AK5: variants seen among roughly 807,000 people sequenced by gnomAD.
AK5 encodes adenylate kinase isoenzyme 5.
A neutral mutation model predicts 69.5 loss-of-function variants in AK5; 27 were observed. The observed-to-expected ratio is 0.39, with a 90% confidence interval of 0.29 to 0.54. The LOEUF is 0.54. AK5 is among the 20% of genes least tolerant of loss of function. The probability of loss-of-function intolerance (pLI) is 0.71; values close to 1 mark genes in which losing one functional copy is unlikely to be tolerated. For synonymous variants in AK5, 260 were observed against 244.4 expected (o/e 1.06, Z -0.60); for missense variants, 531 against 700.4 (o/e 0.76, Z 2.73).
chr1:77,380,819 G>A (rs1647578002), intron 6 of AK5, among the ~76,000 whole-genome samples: 1 of 152,150 alleles, frequency 6.6e-6, no homozygotes, highest in Non-Finnish European at 1.5e-5. Flanking sequence ...GTCATGAAGG[G>A]AAGATAGGAA....
At chr1:77,424,359 C>G (rs1651048945) in intron 8 of AK5, among the ~76,000 whole-genome samples, 1 of 152,128 alleles carries the variant, frequency 6.6e-6, no homozygotes, top group African/African-American at 2.4e-5. Context: ...CTCCTCAGCT[C>G]AAGCAATCCT....
intron 6 of AK5, among the ~76,000 whole-genome samples, chr1:77,403,647 C>T (rs1262879361): frequency 3.3e-5 from 5 of 152,272 alleles, no homozygotes; most frequent in East Asian, 1.9e-4. Context: ...TTCTGTTCCA[C>T]TGGTCTATAT....
At chr1:77,429,701 C>T (rs147543422) in intron 8 of AK5, among the ~76,000 whole-genome samples, 62 of 152,218 alleles carry the variant, frequency 4.1e-4, no homozygotes, top group Middle Eastern at 3.4e-3. Flanking sequence ...CCTCGTGATC[C>T]GCCCGCCTCG....
intron 8 of AK5, among the ~76,000 whole-genome samples, chr1:77,468,701 G>A (rs1426146741): frequency 6.6e-6 from 1 of 152,194 alleles, no homozygotes; most frequent in East Asian, 1.9e-4. Flanking sequence ...ATCTATTTGT[G>A]TTTGGTACTT....
chr1:77,502,888 C>T (rs146999587), intron 10 of AK5, among the ~76,000 whole-genome samples: 1 of 152,178 alleles, frequency 6.6e-6, no homozygotes, highest in Non-Finnish European at 1.5e-5. Flanking sequence ...GGAATGCCAC[C>T]CCCTCTCACA....
chr1:77,363,608 G>A (rs1438499266), intron 6 of AK5, among the ~76,000 whole-genome samples: 1 of 152,158 alleles, frequency 6.6e-6, no homozygotes, highest in East Asian at 1.9e-4. Flanking sequence ...GACCTTATCA[G>A]CTCCTGCTTT....
chr1:77,550,184 C>A (rs1257709474), intron 13 of AK5, among the ~76,000 whole-genome samples: 2 of 152,152 alleles, frequency 1.3e-5, no homozygotes, highest in South Asian at 4.1e-4. Flanking sequence ...CTGAAGCAAT[C>A]CTCCTACCTC....
chr1:77,466,161 T>C (rs1343939101), intron 8 of AK5, among the ~76,000 whole-genome samples: 1 of 152,168 alleles, frequency 6.6e-6, no homozygotes, highest in African/African-American at 2.4e-5. Flanking sequence ...TCAGCTTCTC[T>C]AAGGCATGTG....
chr1:77,367,554 T>TATATATATATA (rs59508312), intron 6 of AK5, among the ~76,000 whole-genome samples: 398 of 28,602 alleles, frequency 0.014, 54 homozygotes, highest in African/African-American at 0.035. Flanking sequence ...ATTTATGTTA[T>TATATATATATA]TTTTATATAT....
At chr1:77,342,741 T>C (rs1489084350) in intron 6 of AK5, among the ~76,000 whole-genome samples, 1 of 152,132 alleles carries the variant, frequency 6.6e-6, no homozygotes, top group Non-Finnish European at 1.5e-5. Flanking sequence ...ATAATAAAAA[T>C]GATCATTTGT....
At chr1:77,485,815 G>T (rs192973857) in intron 9 of AK5, among the ~76,000 whole-genome samples, 11 of 152,242 alleles carry the variant, frequency 7.2e-5, no homozygotes, top group African/African-American at 2.6e-4. Flanking sequence ...TTACCGGGGT[G>T]GGGGAATAAG....
At chr1:77,422,200 C>T (rs1031417305) in intron 8 of AK5, among the ~76,000 whole-genome samples, 2 of 152,156 alleles carry the variant, frequency 1.3e-5, no homozygotes, top group African/African-American at 4.8e-5. Context: ...AATTGCTTCT[C>T]CCACTCCACT....
chr1:77,332,859 T>G (rs565007844), intron 5 of AK5, among the ~76,000 whole-genome samples: 1 of 152,236 alleles, frequency 6.6e-6, no homozygotes, highest in South Asian at 2.1e-4. Flanking sequence ...CTGAGTTTTT[T>G]GCTACTTATT....
intron 10 of AK5, among the ~76,000 whole-genome samples, chr1:77,507,919 T>C (rs570829271): frequency 3.9e-4 from 60 of 152,268 alleles, no homozygotes; most frequent in Admixed American, 7.2e-4. Context: ...CAGTGAACAC[T>C]TGTATACCCA....
chr1:77,535,922 C>A lies in AK5; in HGVS notation c.1504C>A (p.Arg502=), dbSNP rs765399590. Residue 502 remains arginine (R), a synonymous_variant, in exon 13 of 14, where the codon CGG becomes AGG. Transcript: ENST00000354567. ...TMTNRLLQRS[R]SSLPVDDTTK... is the part of the protein sequence containing the mutation. ...GACCAACCGCCTTCTCCAAAGGAGC[C>A]GGAGCAGCCTGCCTGTGGACGACAC... 6 of 1,613,844 alleles carry A rather than the reference C, an allele frequency of 3.7e-6. No individual in the cohort carries two copies. The highest frequency in any genetic ancestry group is 5.1e-6 in the Non-Finnish European group (6 of 1,179,990).
intron 13 of AK5, among the ~76,000 whole-genome samples, chr1:77,543,506 A>C (rs1009730203): frequency 6.7e-6 from 1 of 149,716 alleles, no homozygotes; most frequent in Non-Finnish European, 1.5e-5. Flanking sequence ...TTTTCTACCA[A>C]AAGTCAGTAA....
chr1:77,470,869 A>T (rs1219089125), intron 8 of AK5, among the ~76,000 whole-genome samples: 14,736 of 24,306 alleles, frequency 0.61, 3,145 homozygotes, highest in South Asian at 0.7. Flanking sequence ...ATATATATAT[A>T]TATATATTTT....
chr1:77,354,823 G>A (rs1023405192), intron 6 of AK5, among the ~76,000 whole-genome samples: 1 of 152,124 alleles, frequency 6.6e-6, no homozygotes, highest in African/African-American at 2.4e-5. Context: ...TTCCACAATT[G>A]CTGTCAAGTT....
intron 8 of AK5, among the ~76,000 whole-genome samples, chr1:77,431,124 A>G (rs7537472): frequency 6.6e-6 from 1 of 151,862 alleles, no homozygotes; most frequent in African/African-American, 2.4e-5. Context: ...CTGTAAGATG[A>G]CTTCCAGAGG....
Sources: gnomAD v4.1 joint callset for allele counts (sites outside exome capture counted in the v4.1 genomes callset) on GRCh38, gnomAD v4.1.1 for gene constraint, MANE v1.5 for transcripts, NCBI Gene and HGNC (gene_info 2026-07-23, HGNC 2026-07-21) for gene names.